Variants in NEB observed in about 807,000 individuals in gnomAD.
NEB encodes nemaline myopathy type 2.
NEB carries 512 observed loss-of-function variants against 952.2 expected under a neutral mutation model. That is an observed-to-expected ratio of 0.54 (90% CI 0.50 to 0.58). The LOEUF is 0.58. Ranked by LOEUF, NEB falls within the 20% of genes least tolerant of loss-of-function variation. The pLI, the probability that NEB is intolerant of heterozygous loss-of-function variation, is 0.00. For synonymous variants in NEB, 2,900 were observed against 3,149.8 expected (o/e 0.92, Z 2.66); for missense variants, 8,428 against 9,231.1 (o/e 0.91, Z 3.56).
chr2:151,601,302 T>C (rs1170394933), intron 88 of NEB, among the ~76,000 whole-genome samples: 4 of 139,228 alleles, frequency 2.9e-5, no homozygotes, highest in Non-Finnish European at 3.1e-5. Flanking sequence ...AGAGACAGGG[T>C]TTCACCGTGT....
intron 170 of NEB, 194 bp downstream of exon 170, chr2:151,498,062 ATGTT>A (rs1157685394): frequency 8.9e-6 from 13 of 1,455,614 alleles, no homozygotes; most frequent in South Asian, 1.5e-5. Flanking sequence ...TTTTTAAAAC[ATGTT>A]TGTTTGTAAA....
In NEB at chr2:151,490,164, T is replaced by C. The variant is rs2055107697; in HGVS notation, c.25298-87A>G. 11 of 1,216,708 alleles carry C rather than the reference T, an allele frequency of 9.0e-6. No homozygotes were observed. In the East Asian group the frequency reaches 1.6e-4, roughly 18 times the overall value. 75.4% of individuals were successfully genotyped at this position (1,216,708 alleles called of 1,614,324 possible). On this transcript the variant is annotated intron_variant, in intron 180 of 181. Transcript: ENST00000397345. ...GTTTAGCAGCTGAGTGATGTCTTTT[T>C]CCCCCAACTTAGAATGATTTCCAAA...
intron 181 of NEB, among the ~76,000 whole-genome samples, chr2:151,487,768 T>C (rs981317817): frequency 1.3e-5 from 2 of 151,810 alleles, no homozygotes; most frequent in South Asian, 2.1e-4. Flanking sequence ...CATACACACA[T>C]ATATATATAT....
chr2:151,727,921 T>A lies in NEB; in HGVS notation c.79-15A>T, dbSNP rs1011570211. The A allele has an allele frequency of 3.1e-6, 5 of 1,597,022 alleles. No homozygotes were observed. The highest frequency in any genetic ancestry group is 4.3e-6 in the Non-Finnish European group (5 of 1,165,880). On this transcript the variant is annotated splice_polypyrimidine_tract_variant and intron_variant, in intron 4 of 181. Coordinates refer to ENST00000397345, the MANE Select transcript of NEB (RefSeq NM_001164508.2). ...TTTGTTATTGTCTGAAAATTTGATA[T>A]GCAGTTCAACATTGTTGTGAAAGTA...
At chr2:151,488,067 CT>C (rs2052588676) in intron 181 of NEB, among the ~76,000 whole-genome samples, 2 of 151,910 alleles carry the variant, frequency 1.3e-5, no homozygotes, top group Admixed American at 1.3e-4. Flanking sequence ...TGGTGAACAC[CT>C]TTTTCTGTTG....
At chr2:151,487,561 C>T (rs891407345) in intron 181 of NEB, among the ~76,000 whole-genome samples, 1 of 152,040 alleles carries the variant, frequency 6.6e-6, no homozygotes, top group Non-Finnish European at 1.5e-5. Context: ...TTGACTGCTG[C>T]AGAGAATTTC....
intron 29 of NEB, among the ~76,000 whole-genome samples, chr2:151,682,043 C>A (rs552455799): frequency 7.2e-5 from 11 of 152,098 alleles, no homozygotes; most frequent in African/African-American, 2.2e-4. Flanking sequence ...TTTGTACCAA[C>A]CTAATAAATC....
At chr2:151,622,564 TTA>T (rs2098440426) in intron 71 of NEB, among the ~76,000 whole-genome samples, 1 of 152,162 alleles carries the variant, frequency 6.6e-6, no homozygotes, top group Non-Finnish European at 1.5e-5. Flanking sequence ...AGCTCTCTCT[TTA>T]TGTGTTTGTG....
chr2:151,558,264 A>G (rs991492196), intron 124 of NEB, among the ~76,000 whole-genome samples: 14 of 152,234 alleles, frequency 9.2e-5, no homozygotes, highest in South Asian at 2.1e-4. Context: ...TCCCATTCAC[A>G]ACTGCTACAA....
chr2:151,726,793 A>T (rs2099792132), intron 5 of NEB, among the ~76,000 whole-genome samples: 1 of 152,178 alleles, frequency 6.6e-6, no homozygotes, highest in African/African-American at 2.4e-5. Flanking sequence ...TGTGGGGCCA[A>T]GGTGGGAGGA....
At position 151,667,833 on chromosome 2, in the gene NEB, C is replaced by G; in HGVS notation, c.4690G>C (p.Ala1564Pro). 6.2e-7 allele frequency: 1 copy of G among 1,612,138 alleles called. No individual in the cohort carries two copies. Among genetic ancestry groups the G allele is most frequent in the Non-Finnish European group, 8.5e-7 (1 of 1,178,662 alleles). ...LRPDAIPIVAAKSSRNIASDC... is the reference protein window; with the variant it reads ...LRPDAIPIVAPKSSRNIASDC... Reference sequence around the variant, plus strand: ...CTAGCAATATTCCTTGAACTTTTTGCAGCAACAATTGGGATGGCATCTGGT... The same window carrying G: ...CTAGCAATATTCCTTGAACTTTTTGGAGCAACAATTGGGATGGCATCTGGT... The change falls in exon 40 of 182, where the codon GCA (alanine) becomes CCA (proline). Residue 1564 changes from alanine to proline, a missense_variant. Coordinates refer to ENST00000397345, the MANE Select transcript of NEB (RefSeq NM_001164508.2).
intron 120 of NEB, 98 bp downstream of exon 120, chr2:151,562,513 T>C: frequency 1.6e-6 from 2 of 1,228,412 alleles, no homozygotes. Context: ...GATTTATGAA[T>C]ACAGGGACAA....
In NEB at chr2:151,639,707, T is replaced by C. The variant is rs1349026948; in HGVS notation, c.8889+150A>G. ...CAAAATATACATGATATATATCAGT[T>C]ATTAATAGATAGATGAGAAGCCAAT... is the stretch of plus-strand genomic sequence containing the variant. On this transcript the variant is annotated intron_variant, in intron 62 of 181. Transcript: ENST00000397345. 9.1e-6 allele frequency: 6 copies of C among 661,106 alleles called. No homozygotes were observed. The East Asian group carries it at 1.6e-4, about 18-fold the overall frequency. The allele number at this position is 661,106 out of a possible 1,614,324, so 41.0% of individuals were successfully genotyped here. A position where few individuals can be genotyped will look rare whatever the true frequency, so the allele number is the denominator to read the frequency against.
chr2:151,617,321 A>C, intron 75 of NEB, 43 bp downstream of exon 75: 1 of 1,375,088 alleles, frequency 7.3e-7, no homozygotes, highest in Non-Finnish European at 1.0e-6. Context: ...ACAGTGGTTC[A>C]TTTTTGCCTT....
At chr2:151,601,337 G>A (rs2097526863) in intron 88 of NEB, among the ~76,000 whole-genome samples, 2 of 143,110 alleles carry the variant, frequency 1.4e-5, no homozygotes, top group Non-Finnish European at 3.0e-5. Context: ...TCGAACTCCT[G>A]ACCTCAAGTG....
Position 151,609,899 on chromosome 2 carries a change from A to T in NEB, c.12240T>A (p.Ile4080=), listed in dbSNP as rs1325918532. The T allele has an allele frequency of 1.9e-6, 3 of 1,613,728 alleles. No individual in the cohort carries two copies. The highest frequency in any genetic ancestry group is 2.7e-5 in the African/African-American group (2 of 74,920). ...ATTCATGCAGGTAATTGCGATAATC[A>T]ATGTCAGTGACCAAAGTCTGACATT... ...AKKCQTLVTD[I]DYRNYLHEWT... Residue 4080 remains isoleucine (I), a synonymous_variant, in exon 81 of 182, where the codon ATT becomes ATA. Transcript: ENST00000397345.
chr2:151,642,448 C>A, intron 60 of NEB, 126 bp downstream of exon 60: 1 of 771,108 alleles, frequency 1.3e-6, no homozygotes, highest in Non-Finnish European at 2.0e-6. Context: ...TTAAACCATT[C>A]ATCGAAACAA....
At position 151,666,419 on chromosome 2, in the gene NEB, G is replaced by A. The variant is rs79402065; in HGVS notation, c.4720-18C>T. Reference sequence around the variant, plus strand: ...TATTTGCACTATTTGAAAACAAAGGGCAAACAGAAGTTGGCTAGCATAGAA... The same window carrying A: ...TATTTGCACTATTTGAAAACAAAGGACAAACAGAAGTTGGCTAGCATAGAA... On this transcript the variant is annotated intron_variant, in intron 40 of 181. Transcript: ENST00000397345. The A allele has an allele frequency of 1.1e-3, 1,697 of 1,605,086 alleles. 1 individual carries two copies. Among genetic ancestry groups the A allele is most frequent in the Non-Finnish European group, 1.3e-3 (1,518 of 1,174,968 alleles).
intron 107 of NEB, among the ~76,000 whole-genome samples, chr2:151,572,330 A>T (rs1055801401): frequency 1.3e-5 from 2 of 152,042 alleles, no homozygotes; most frequent in African/African-American, 4.8e-5. Context: ...TCAAAAAATA[A>T]ATAAATAAAG....
Sources: gnomAD v4.1 joint callset for allele counts (sites outside exome capture counted in the v4.1 genomes callset) on GRCh38, gnomAD v4.1.1 for gene constraint, MANE v1.5 for transcripts, NCBI Gene and HGNC (gene_info 2026-07-23, HGNC 2026-07-21) for gene names.